EDARADD: variants seen among roughly 807,000 people sequenced by gnomAD.
The protein encoded by EDARADD is EDAR associated via death domain.
EDARADD carries 20 observed loss-of-function variants against 25.6 expected under a neutral mutation model. The ratio of observed to expected loss-of-function variants is 0.78; its 90% CI spans 0.55 to 1.14. EDARADD has a LOEUF of 1.14. EDARADD is among the 50% of genes most tolerant of loss of function. The probability of loss-of-function intolerance (pLI) is 0.00; values close to 1 mark genes in which losing one functional copy is unlikely to be tolerated. For missense variants in EDARADD, 225 were observed against 270.1 expected (o/e 0.83, Z 1.17); for synonymous variants, 86 against 94.4 (o/e 0.91, Z 0.52).
chr1:236,468,713 G>A (rs537919113), intron 5 of EDARADD, among the ~76,000 whole-genome samples: 3 of 152,060 alleles, frequency 2.0e-5, no homozygotes, highest in South Asian at 2.1e-4. Context: ...TTCTACCTGC[G>A]GTGCACTGCA....
chr1:236,453,297 G>A (rs932836588), intron 4 of EDARADD, among the ~76,000 whole-genome samples: 1 of 53,158 alleles, frequency 1.9e-5, no homozygotes, highest in Admixed American at 1.8e-4. Context: ...TTTTTTTTTT[G>A]AGATGGAGTC....
At position 236,468,249 on chromosome 1, in the gene EDARADD, C is replaced by G; in HGVS notation, c.238C>G (p.Pro80Ala). The G allele has an allele frequency of 6.2e-7, 1 of 1,614,090 alleles. No individual in the cohort carries two copies. Among genetic ancestry groups the G allele is most frequent in the Non-Finnish European group, 8.5e-7 (1 of 1,179,970 alleles). ...TTTTTAGGGAGAAGAAAATGGCTTT[C>G]CAGATAGCACTGGAGATCCTCTTCC... Reference protein sequence around the residue: ...MKNQGEENGFPDSTGDPLPEI... With the variant: ...MKNQGEENGFADSTGDPLPEI... The change falls in exon 5 of 6, where the codon CCA becomes GCA. Residue 80 changes from proline (P) to alanine (A), a missense_variant. Coordinates refer to ENST00000334232, the MANE Select transcript of EDARADD (RefSeq NM_145861.4).
At chr1:236,467,258 G>A (rs1347044255) in intron 4 of EDARADD, among the ~76,000 whole-genome samples, 1 of 151,142 alleles carries the variant, frequency 6.6e-6, no homozygotes, top group Non-Finnish European at 1.5e-5. Flanking sequence ...TAAAGCCCAG[G>A]GCTTCTGACT....
At chr1:236,401,069 T>G (rs1667605694) in intron 1 of EDARADD, among the ~76,000 whole-genome samples, 1 of 151,742 alleles carries the variant, frequency 6.6e-6, no homozygotes, top group Non-Finnish European at 1.5e-5. Context: ...ACCTGTGATC[T>G]CAGCTATATG....
intron 4 of EDARADD, among the ~76,000 whole-genome samples, chr1:236,443,501 A>G (rs10802534): frequency 0.033 from 5,011 of 152,252 alleles, 219 homozygotes; most frequent in African/African-American, 0.097. Context: ...CTCATGGATG[A>G]CGTTGAGGGA....
chr1:236,396,081 T>A (rs560985436), intron 1 of EDARADD, among the ~76,000 whole-genome samples: 1 of 152,326 alleles, frequency 6.6e-6, no homozygotes, highest in African/African-American at 2.4e-5. Context: ...ATTACTCCTC[T>A]TCCTCTCTCC....
At chr1:236,475,774 G>T (rs1484188516) in intron 5 of EDARADD, among the ~76,000 whole-genome samples, 1 of 150,350 alleles carries the variant, frequency 6.7e-6, no homozygotes, top group African/African-American at 2.5e-5. Flanking sequence ...CAAAAAAAAA[G>T]AAAGAAAACA....
chr1:236,459,762 A>G (rs916196679), intron 4 of EDARADD, among the ~76,000 whole-genome samples: 6 of 151,444 alleles, frequency 4.0e-5, no homozygotes, highest in Non-Finnish European at 4.4e-5. Flanking sequence ...ACAGGCTCCC[A>G]CCGCCACACC....
In EDARADD at chr1:236,483,564, A is replaced by G; in HGVS notation, c.*915A>G. On this transcript the variant is annotated 3_prime_UTR_variant, in exon 6 of 6. Transcript: ENST00000334232. ...GAAGGGGGTTCCCCTGTACCACCAC[A>G]TCGCCGACTTGTCTGGCAACTCCAA... 1 of 1,294,062 alleles carries G rather than the reference A, an allele frequency of 7.7e-7. No individual in the cohort carries two copies. The highest frequency in any genetic ancestry group is 1.1e-6 in the Non-Finnish European group (1 of 890,590). The allele number at this position is 1,294,062 out of a possible 1,614,324, so 80.2% of individuals were successfully genotyped here.
At chr1:236,397,176 G>A (rs1340586339) in intron 1 of EDARADD, among the ~76,000 whole-genome samples, 2 of 152,122 alleles carry the variant, frequency 1.3e-5, no homozygotes, top group Non-Finnish European at 2.9e-5. Flanking sequence ...TTGGGAGGCT[G>A]AGGCAAGAGG....
At chr1:236,461,647 G>A (rs898668388) in intron 4 of EDARADD, among the ~76,000 whole-genome samples, 3 of 152,146 alleles carry the variant, frequency 2.0e-5, no homozygotes, top group African/African-American at 7.2e-5. Flanking sequence ...ATAAGCGTGG[G>A]GAGCGTTTCT....
At chr1:236,363,006 A>AAAATATATAT (rs1377112051) in intron 3 of EDARADD, among the ~76,000 whole-genome samples, 3 of 42,950 alleles carry the variant, frequency 7.0e-5, no homozygotes, top group African/African-American at 3.3e-4. Context: ...AAAAAAAAAA[A>AAAATATATAT]ATATATATAT....
At chr1:236,414,076 C>T (rs1469913711) in intron 2 of EDARADD, among the ~76,000 whole-genome samples, 184 bp from the exon 3 acceptor site, 1 of 152,228 alleles carries the variant, frequency 6.6e-6, no homozygotes, top group Non-Finnish European at 1.5e-5. Context: ...TCTTGTCAAC[C>T]TTGATTTCAT....
chr1:236,465,397 C>G (rs1659160428), intron 4 of EDARADD, among the ~76,000 whole-genome samples: 1 of 152,174 alleles, frequency 6.6e-6, no homozygotes, highest in Non-Finnish European at 1.5e-5. Context: ...TTTTTCTTAA[C>G]TTCCAGCCCG....
intron 3 of EDARADD, among the ~76,000 whole-genome samples, chr1:236,420,291 A>G (rs1042735119): frequency 6.6e-6 from 1 of 152,250 alleles, no homozygotes; most frequent in Non-Finnish European, 1.5e-5. Context: ...CCCTGAGTTA[A>G]ATGGTTCTGT....
At chr1:236,353,754 T>C (rs1161330312) in intron 3 of EDARADD, among the ~76,000 whole-genome samples, 2 of 150,720 alleles carry the variant, frequency 1.3e-5, no homozygotes. Flanking sequence ...TACTCGACTG[T>C]GTGTAATATT....
chr1:236,395,294 TG>T lies in EDARADD; in HGVS notation c.61+793del. The T allele has an allele frequency of 1.7e-6, 2 of 1,158,586 alleles. No individual in the cohort carries two copies. Among genetic ancestry groups the T allele is most frequent in the Non-Finnish European group, 2.2e-6 (2 of 919,088 alleles). The allele number at this position is 1,158,586 out of a possible 1,614,324, so 71.8% of individuals were successfully genotyped here. A position where few individuals can be genotyped will look rare whatever the true frequency, so the allele number is the denominator to read the frequency against. On this transcript the variant is annotated intron_variant, in intron 1 of 5. Coordinates refer to ENST00000334232, the MANE Select transcript of EDARADD (RefSeq NM_145861.4). The surrounding 1 kb of genome is among the most constrained non-coding windows in gnomAD (Gnocchi z 6.9). Reference sequence around the variant, plus strand: ...CGGGCAGGACGCGCGCTCTGGGCGCTGGGGACGCCCGGGACACTCGGGGCCC... The same window carrying T: ...CGGGCAGGACGCGCGCTCTGGGCGCTGGGACGCCCGGGACACTCGGGGCCC...
chr1:236,367,767 C>T (rs1373560530), intron 3 of EDARADD, among the ~76,000 whole-genome samples: 2 of 152,182 alleles, frequency 1.3e-5, no homozygotes, highest in African/African-American at 4.8e-5. Flanking sequence ...TGTTGATATA[C>T]ATTTCATAAC....
chr1:236,405,781 C>CTT (rs1435268074), intron 1 of EDARADD, among the ~76,000 whole-genome samples: 1,471 of 63,234 alleles, frequency 0.023, 68 homozygotes, highest in South Asian at 0.046. Context: ...TTCTTTCTTT[C>CTT]TTTCTTTCTT....
Sources: allele counts gnomAD v4.1 joint callset (sites outside exome capture counted in the v4.1 genomes callset), GRCh38; gene constraint gnomAD v4.1.1; non-coding constraint Gnocchi (gnomAD v3.1); transcripts MANE v1.5; gene names NCBI Gene and HGNC (gene_info 2026-07-23, HGNC 2026-07-21).